FSTL4: variants seen among roughly 807,000 people sequenced by gnomAD.
The protein encoded by FSTL4 is follistatin-related protein 4.
In FSTL4, 28 loss-of-function variants were observed where a neutral mutation model predicts 78.2. That is an observed-to-expected ratio of 0.36 (90% confidence interval 0.27 to 0.49). FSTL4 has a LOEUF of 0.49. FSTL4 is among the 20% of genes least tolerant of loss of function. The probability of loss-of-function intolerance (pLI) is 0.98; values close to 1 mark genes in which losing one functional copy is unlikely to be tolerated. For synonymous variants in FSTL4, 422 were observed against 440.5 expected (o/e 0.96, Z 0.53); for missense variants, 922 against 1,084.9 (o/e 0.85, Z 2.11).
chr5:133,290,215 G>A (rs982972457), intron 6 of FSTL4, among the ~76,000 whole-genome samples: 4 of 152,204 alleles, frequency 2.6e-5, no homozygotes, highest in African/African-American at 9.7e-5. Context: ...TAAACAACAG[G>A]GAATTTTATG....
intron 6 of FSTL4, among the ~76,000 whole-genome samples, chr5:133,273,949 C>T (rs1043765314): frequency 6.6e-6 from 1 of 152,218 alleles, no homozygotes; most frequent in African/African-American, 2.4e-5. Context: ...CTCAGAGAGT[C>T]AGCTTGGTCC....
chr5:133,429,108 G>C (rs1267479758), intron 3 of FSTL4, among the ~76,000 whole-genome samples: 1 of 152,156 alleles, frequency 6.6e-6, no homozygotes, highest in East Asian at 1.9e-4. Context: ...CTCTTCTCCG[G>C]AGGGCCCTAA....
At chr5:133,358,749 G>A (rs912142445) in intron 4 of FSTL4, among the ~76,000 whole-genome samples, 2 of 151,854 alleles carry the variant, frequency 1.3e-5, no homozygotes, top group South Asian at 2.1e-4. Flanking sequence ...ACAGGCGCCC[G>A]CCACCACACC....
At chr5:133,788,943 C>T in the FSTL4 span, among the ~76,000 whole-genome samples, 314 of 152,268 alleles carry the variant, frequency 2.1e-3, no homozygotes, top group African/African-American at 6.5e-3. Context: ...TACATTACGA[C>T]CCCAGAAACA....
At chr5:133,721,664 C>T in the FSTL4 span, among the ~76,000 whole-genome samples, 1 of 152,010 alleles carries the variant, frequency 6.6e-6, no homozygotes. Flanking sequence ...AATGTAGGTT[C>T]TCTTATATGT....
chr5:133,751,554 T>C, the FSTL4 span, among the ~76,000 whole-genome samples: 3 of 152,174 alleles, frequency 2.0e-5, no homozygotes, highest in African/African-American at 4.8e-5. Context: ...CATCTAGCCA[T>C]ATTGAACAGC....
At chr5:133,218,494 T>G (rs1296238610) in intron 12 of FSTL4, among the ~76,000 whole-genome samples, 1 of 152,130 alleles carries the variant, frequency 6.6e-6, no homozygotes. Context: ...CCCAATAACA[T>G]TATTTCTTGT....
intron 3 of FSTL4, among the ~76,000 whole-genome samples, chr5:133,408,327 T>A (rs1020113): frequency 0.74 from 112,939 of 151,854 alleles, 42,575 homozygotes; most frequent in African/African-American, 0.88. Flanking sequence ...GCTGCCAAGG[T>A]CTCTCATCTC....
chr5:133,308,601 C>T (rs1375160094), intron 6 of FSTL4, among the ~76,000 whole-genome samples: 5 of 152,170 alleles, frequency 3.3e-5, no homozygotes, highest in African/African-American at 1.2e-4. Context: ...CTATTAGTTC[C>T]AAAGGATAGT....
chr5:133,531,434 T>G (rs1759250477), intron 3 of FSTL4, among the ~76,000 whole-genome samples: 1 of 152,160 alleles, frequency 6.6e-6, no homozygotes, highest in Non-Finnish European at 1.5e-5. Flanking sequence ...AGCGTCCTAC[T>G]TCTGCCGTGG....
chr5:133,209,400 G>C (rs1750631801), intron 14 of FSTL4, among the ~76,000 whole-genome samples: 2 of 152,188 alleles, frequency 1.3e-5, no homozygotes. Context: ...TTCTGAGAGA[G>C]AGAGAGAGAG....
At chr5:133,382,564 G>C (rs1189377531) in intron 4 of FSTL4, among the ~76,000 whole-genome samples, 1 of 151,692 alleles carries the variant, frequency 6.6e-6, no homozygotes, top group Non-Finnish European at 1.5e-5. Context: ...ATTGGAGAGA[G>C]GGATTTCTCC....
intron 4 of FSTL4, among the ~76,000 whole-genome samples, chr5:133,348,543 A>AAG (rs1489568275): frequency 6.6e-6 from 1 of 152,236 alleles, no homozygotes; most frequent in African/African-American, 2.4e-5. Flanking sequence ...AAGGGGCTGC[A>AAG]AGCCTGTGAG....
At chr5:133,577,447 T>A (rs1580800511) in intron 2 of FSTL4, among the ~76,000 whole-genome samples, 1 of 152,128 alleles carries the variant, frequency 6.6e-6, no homozygotes, top group East Asian at 1.9e-4. Flanking sequence ...ATGGGCTTAC[T>A]GCCTTAAAGA....
intron 3 of FSTL4, among the ~76,000 whole-genome samples, chr5:133,472,122 T>A (rs899802202): frequency 1.3e-5 from 2 of 152,234 alleles, no homozygotes; most frequent in African/African-American, 4.8e-5. Flanking sequence ...CAGGCTGTGC[T>A]GTGAGTATAC....
rs1754514341 is a variant in FSTL4, at chr5:133,338,445, T to A, written c.410-21793A>T. On this transcript the variant is annotated intron_variant, in intron 4 of 15. Transcript: ENST00000265342. This position sits in a 1 kb window ranked among gnomAD's most constrained non-coding sequence, Gnocchi z 4.0. ...TTTGGCTGCTTCTCCTGCCCCATGC[T>A]TTTCTAGGTTCCCAGAAGCTGTGGT... 6.6e-6 allele frequency among the ~76,000 whole-genome samples: 1 copy of A among 152,116 alleles called. No individual in the cohort carries two copies. Among genetic ancestry groups the A allele is most frequent in the Non-Finnish European group, 1.5e-5 (1 of 68,010 alleles).
At chr5:133,593,544 G>A (rs998592005) in intron 2 of FSTL4, among the ~76,000 whole-genome samples, 1 of 152,036 alleles carries the variant, frequency 6.6e-6, no homozygotes, top group African/African-American at 2.4e-5. Flanking sequence ...GCACTCTTAA[G>A]GACTTTAGAA....
chr5:133,625,566 T>C, the FSTL4 span, among the ~76,000 whole-genome samples: 1 of 150,282 alleles, frequency 6.7e-6, no homozygotes, highest in African/African-American at 2.4e-5. Context: ...AAAATAACTC[T>C]TTGTTTCATT....
the FSTL4 span, among the ~76,000 whole-genome samples, chr5:133,831,525 T>C: frequency 1.3e-5 from 2 of 152,302 alleles, no homozygotes; most frequent in African/African-American, 4.8e-5. Context: ...TATCACCTCG[T>C]AAACGACTCT....
Sources: gnomAD v4.1 joint callset for allele counts (sites outside exome capture counted in the v4.1 genomes callset) on GRCh38, gnomAD v4.1.1 for gene constraint, Gnocchi (gnomAD v3.1) non-coding constraint, MANE v1.5 for transcripts, NCBI Gene and HGNC (gene_info 2026-07-23, HGNC 2026-07-21) for gene names.